STK36: variants seen among roughly 807,000 people sequenced by gnomAD.
STK36 encodes the protein serine/threonine kinase 36.
In STK36, 116 loss-of-function variants were observed where a neutral mutation model predicts 142.2. The ratio of observed to expected loss-of-function variants is 0.82; its 90% CI spans 0.70 to 0.95. STK36 has a LOEUF of 0.95. STK36 is among the 40% of genes least tolerant of loss of function. The probability of loss-of-function intolerance (pLI) is 0.00; values close to 1 mark genes in which losing one functional copy is unlikely to be tolerated. For missense variants in STK36, 1,422 were observed against 1,617.2 expected (o/e 0.88, Z 2.07); for synonymous variants, 619 against 641.7 (o/e 0.96, Z 0.53).
chr2:218,679,858 A>T (rs1559332033), intron 8 of STK36, 35 bp from the exon 9 acceptor site: 8 of 1,605,736 alleles, frequency 5.0e-6, no homozygotes, highest in Non-Finnish European at 6.0e-6. Flanking sequence ...GCAATCAAAT[A>T]GCTCTGATTC....
chr2:218,676,420 A>T, intron 6 of STK36, 142 bp downstream of exon 6: 2 of 1,148,584 alleles, frequency 1.7e-6, no homozygotes, highest in Middle Eastern at 3.0e-4. Flanking sequence ...CTGTTCTCGC[A>T]TTGCTATACA....
chr2:218,689,075 A>G (rs1940893984), intron 12 of STK36, among the ~76,000 whole-genome samples, 199 bp downstream of exon 12: 1 of 152,190 alleles, frequency 6.6e-6, no homozygotes, highest in Non-Finnish European at 1.5e-5. Context: ...TAGGCTATGC[A>G]TGTGACTATA....
At chr2:218,689,760 C>A (rs1292535849) in intron 12 of STK36, 99 bp from the exon 13 acceptor site, 2 of 1,067,910 alleles carry the variant, frequency 1.9e-6, no homozygotes, top group South Asian at 1.5e-5. Context: ...TCTGTTTGAT[C>A]AACTTGACTG....
At chr2:218,692,319 C>T (rs1941035448) in intron 15 of STK36, 26 bp downstream of exon 15, 1 of 1,612,876 alleles carries the variant, frequency 6.2e-7, no homozygotes, top group Non-Finnish European at 8.5e-7. Flanking sequence ...AAGGGAGGTT[C>T]TCTTGACTTA....
At position 218,692,168 on chromosome 2, in the gene STK36, T is replaced by C; in HGVS notation, c.1790T>C (p.Met597Thr). Residue 597 changes from methionine to threonine, a missense_variant, in exon 15 of 27, where the codon ATG becomes ACG. By Grantham distance (81) the Met-to-Thr change is moderately conservative (BLOSUM62 -1). This residue lies in a region of STK36 where 962 missense variants were observed against 1,167.5 expected (regional missense o/e 0.82). Transcript: ENST00000295709. ...LMCFTVLCEA[M>T]DGNSRAISKA... ...TGCTTTACTGTCCTGTGCGAAGCCA[T>C]GGATGGGAACAGCCGGGCCATCTCC... The C allele has an allele frequency of 1.2e-6, 2 of 1,614,186 alleles. No homozygotes were observed. The highest frequency in any genetic ancestry group is 1.7e-6 in the Non-Finnish European group (2 of 1,180,026).
chr2:218,690,034 C>T (rs897255976), intron 13 of STK36, 78 bp downstream of exon 13: 9 of 1,316,854 alleles, frequency 6.8e-6, no homozygotes, highest in Non-Finnish European at 9.6e-6. Context: ...CATTTAGGAA[C>T]AGGCCAAGTA....
chr2:218,672,088 C>T lies in STK36; in HGVS notation c.-217C>T, dbSNP rs1940003659. 7.4e-6 allele frequency: 10 copies of T among 1,343,516 alleles called. No homozygotes were observed. Among genetic ancestry groups the T allele is most frequent in the African/African-American group, 1.4e-5 (1 of 69,174 alleles). 83.2% of individuals were successfully genotyped at this position (1,343,516 alleles called of 1,614,324 possible). A position where few individuals can be genotyped will look rare whatever the true frequency, so the allele number is the denominator to read the frequency against. On this transcript the variant is annotated 5_prime_UTR_variant, in exon 1 of 27. Coordinates refer to ENST00000295709, the MANE Select transcript of STK36 (RefSeq NM_015690.5). Reference sequence around the variant, plus strand: ...GCAACCGCAGACTCCGGGTCCTTAGCCGGGCCTGATGGCCCTGAGGCAGTT... The same window carrying T: ...GCAACCGCAGACTCCGGGTCCTTAGTCGGGCCTGATGGCCCTGAGGCAGTT...
intron 10 of STK36, among the ~76,000 whole-genome samples, chr2:218,683,210 G>A (rs1040173103): frequency 1.3e-5 from 2 of 151,836 alleles, no homozygotes; most frequent in Non-Finnish European, 2.9e-5. Flanking sequence ...CATGGGGTAA[G>A]CAATTCTTTC....
intron 10 of STK36, among the ~76,000 whole-genome samples, chr2:218,684,007 C>T (rs1159653728): frequency 6.6e-6 from 1 of 150,550 alleles, no homozygotes; most frequent in Non-Finnish European, 1.5e-5. Context: ...CTATATTGCC[C>T]AGGCTGGTCT....
At chr2:218,684,487 CT>C (rs1207374858) in intron 10 of STK36, among the ~76,000 whole-genome samples, 1 of 120,336 alleles carries the variant, frequency 8.3e-6, no homozygotes, top group Non-Finnish European at 1.6e-5. Flanking sequence ...GTGGTGACAT[CT>C]CGGCTCACTG....
At chr2:218,674,745 C>T (rs573347491) in intron 4 of STK36, among the ~76,000 whole-genome samples, 63 of 152,242 alleles carry the variant, frequency 4.1e-4, no homozygotes, top group African/African-American at 1.5e-3. Context: ...AGGATTATAG[C>T]ATGCGCCACC....
intron 16 of STK36, 79 bp downstream of exon 16, chr2:218,692,789 C>A: frequency 6.6e-7 from 1 of 1,504,984 alleles, no homozygotes; most frequent in East Asian, 2.3e-5. Context: ...TTCAGAAAGG[C>A]AGAAAAACAA....
In STK36 at chr2:218,694,218, C is replaced by A. The variant is rs1941129032; in HGVS notation, c.2337-46C>A. ...AGGGAGAGGGGAGGCCGCTTACCAA[C>A]CTCCTTTAATACTGCTGCATCCCTT... On this transcript the variant is annotated intron_variant, in intron 19 of 26. Transcript: ENST00000295709. This position sits in a 1 kb window ranked among gnomAD's most constrained non-coding sequence, Gnocchi z 4.4. 7.1e-6 allele frequency: 11 copies of A among 1,544,638 alleles called. No homozygotes were observed. Among genetic ancestry groups the A allele is most frequent in the African/African-American group, 4.1e-5 (3 of 73,360 alleles).
intron 4 of STK36, among the ~76,000 whole-genome samples, chr2:218,674,319 CATT>C (rs1319488740): frequency 2.0e-5 from 3 of 152,094 alleles, no homozygotes; most frequent in Admixed American, 2.0e-4. Context: ...CTATTATTAA[CATT>C]ATTGTTATTA....
At chr2:218,673,073 G>A (rs1940061688) in intron 2 of STK36, 160 bp downstream of exon 2, 2 of 583,238 alleles carry the variant, frequency 3.4e-6, no homozygotes, top group Non-Finnish European at 5.8e-6. Flanking sequence ...GGATTATTTG[G>A]GTGCAAATTC....
intron 4 of STK36, among the ~76,000 whole-genome samples, 156 bp from the exon 5 acceptor site, chr2:218,675,187 A>C (rs1293532534): frequency 6.6e-6 from 1 of 152,234 alleles, no homozygotes; most frequent in Non-Finnish European, 1.5e-5. Flanking sequence ...GAGTGATTAA[A>C]CAAGGGGAAC....
chr2:218,677,228 C>T (rs192056847), intron 6 of STK36, among the ~76,000 whole-genome samples: 7 of 152,300 alleles, frequency 4.6e-5, no homozygotes, highest in East Asian at 1.9e-4. Context: ...CCACTGCACC[C>T]GGCCAGGGCT....
Position 218,697,858 on chromosome 2 carries a change from C to T in STK36, c.2914C>T (p.His972Tyr). Reference protein sequence around the residue: ...SFLNQLRQAPHGSEFLPVVVL... With the variant: ...SFLNQLRQAPYGSEFLPVVVL... ...CTTCGACATTCCTCTCCTTAGGCCT[C>T]ATGGGTCTGAGTTTCTCCCTGTCGT... The change falls in exon 25 of 27, where the codon CAT becomes TAT. Residue 972 changes from histidine to tyrosine, a missense_variant. His to Tyr is a moderately conservative substitution (Grantham distance 83). Transcript: ENST00000295709. 6.2e-7 allele frequency: 1 copy of T among 1,614,188 alleles called. No homozygotes were observed. Among genetic ancestry groups the T allele is most frequent in the Non-Finnish European group, 8.5e-7 (1 of 1,180,028 alleles).
intron 6 of STK36, 150 bp from the exon 7 acceptor site, chr2:218,679,018 G>T: frequency 1.5e-6 from 1 of 689,040 alleles, no homozygotes; most frequent in South Asian, 1.9e-5. Flanking sequence ...AGGAAAATGG[G>T]ACCTGAACAA....
Sources: gnomAD v4.1 joint callset for allele counts (sites outside exome capture counted in the v4.1 genomes callset) on GRCh38, gnomAD v4.1.1 for gene constraint, gnomAD v4.1.1 regional missense constraint, Gnocchi (gnomAD v3.1) non-coding constraint, MANE v1.5 for transcripts, NCBI Gene and HGNC (gene_info 2026-07-23, HGNC 2026-07-21) for gene names.